The following CAMTA1 variants were observed in gnomAD, a reference collection of about 807,000 sequenced individuals.
CAMTA1 encodes calmodulin binding transcription activator 1, also known as calmodulin-binding transcription activator 1.
A neutral mutation model predicts 170.9 loss-of-function variants in CAMTA1; 27 were observed. The ratio of observed to expected loss-of-function variants is 0.16; its 90% CI spans 0.12 to 0.22. CAMTA1 has a LOEUF of 0.22. Among genes scored for constraint, CAMTA1 ranks in the 10% least tolerant of loss-of-function variants. CAMTA1 has a pLI of 1.00. For missense variants in CAMTA1, 1,619 were observed against 2,217.2 expected, an observed-to-expected ratio of 0.73 and a Z score of 5.42; for synonymous variants, 833 against 891.5, an observed-to-expected ratio of 0.93 and a Z score of 1.17.
chr1:6,803,782 G>A (rs1014213895), intron 1 of CAMTA1, among the ~76,000 whole-genome samples: 3 of 152,116 alleles, frequency 2.0e-5, no homozygotes, highest in African/African-American at 4.8e-5. Flanking sequence ...AGGTGTGATC[G>A]TAGCTCACTG....
intron 6 of CAMTA1, among the ~76,000 whole-genome samples, chr1:7,486,883 C>T (rs1222389043): frequency 1.3e-5 from 2 of 152,192 alleles, no homozygotes; most frequent in African/African-American, 4.8e-5. Flanking sequence ...GCGGCGGCTT[C>T]CCCAGTCTGC....
At chr1:7,379,665 C>T (rs1489966919) in intron 5 of CAMTA1, among the ~76,000 whole-genome samples, 1 of 152,206 alleles carries the variant, frequency 6.6e-6, no homozygotes, top group Admixed American at 6.5e-5. Context: ...GCTTCTTAAC[C>T]AGCAGAATTC....
intron 3 of CAMTA1, among the ~76,000 whole-genome samples, chr1:6,978,230 G>A (rs560001561): frequency 1.7e-4 from 26 of 152,266 alleles, no homozygotes; most frequent in African/African-American, 5.8e-4. Context: ...AGTATAATTC[G>A]ATTGTTTTAA....
chr1:7,386,023 C>T (rs1336457953), intron 5 of CAMTA1, among the ~76,000 whole-genome samples: 1 of 152,190 alleles, frequency 6.6e-6, no homozygotes, highest in African/African-American at 2.4e-5. Flanking sequence ...CCTGGCTCCT[C>T]CAGGCTCCTC....
chr1:7,550,134 G>A (rs942610741), intron 6 of CAMTA1, among the ~76,000 whole-genome samples: 46 of 152,042 alleles, frequency 3.0e-4, no homozygotes, highest in African/African-American at 1.1e-3. Flanking sequence ...TGAGGCTAAG[G>A]GTGCCCAGAG....
chr1:7,618,614 A>G (rs966273064), intron 6 of CAMTA1, among the ~76,000 whole-genome samples: 2 of 152,242 alleles, frequency 1.3e-5, no homozygotes, highest in Middle Eastern at 3.4e-3. Flanking sequence ...CTGTCTTTTT[A>G]TGACTATAGT....
chr1:7,561,053 G>A lies in CAMTA1; in HGVS notation c.511-79347G>A, dbSNP rs2094950222. On this transcript the variant is annotated intron_variant, in intron 6 of 22. Transcript: ENST00000303635. This position sits in a 1 kb window ranked among gnomAD's most constrained non-coding sequence, Gnocchi z 5.3. ...GGCCCTCTGCGCTCAGGCTCAGGGG[G>A]TGACGCTGGGCTGGGCGCTTCCCAT... is the stretch of plus-strand genomic sequence containing the variant. 6.6e-6 allele frequency among the ~76,000 whole-genome samples: 1 copy of A among 152,150 alleles called. No individual in the cohort carries two copies. Among genetic ancestry groups the A allele is most frequent in the South Asian group, 2.1e-4 (1 of 4,830 alleles).
At chr1:7,447,631 G>A (rs1322570231) in intron 5 of CAMTA1, among the ~76,000 whole-genome samples, 1 of 152,146 alleles carries the variant, frequency 6.6e-6, no homozygotes, top group Non-Finnish European at 1.5e-5. Context: ...AGGACTCAGT[G>A]GAACGGCAGG....
chr1:6,903,466 C>G (rs748747626), intron 3 of CAMTA1, among the ~76,000 whole-genome samples: 1 of 152,130 alleles, frequency 6.6e-6, no homozygotes, highest in Non-Finnish European at 1.5e-5. Flanking sequence ...TATTTAGAAC[C>G]ATTTATTCTG....
intron 6 of CAMTA1, among the ~76,000 whole-genome samples, chr1:7,512,015 T>G (rs776402134): frequency 6.6e-6 from 1 of 152,242 alleles, no homozygotes; most frequent in Non-Finnish European, 1.5e-5. Flanking sequence ...TGCCTGGCTC[T>G]GCGCTCAGCT....
At chr1:7,180,145 T>A (rs987480783) in intron 4 of CAMTA1, among the ~76,000 whole-genome samples, 1 of 152,068 alleles carries the variant, frequency 6.6e-6, no homozygotes, top group Non-Finnish European at 1.5e-5. Flanking sequence ...GGCGGGTGGA[T>A]CACCTGAGGT....
chr1:7,421,675 C>T (rs74053256), intron 5 of CAMTA1, among the ~76,000 whole-genome samples: 4,156 of 152,188 alleles, frequency 0.027, 198 homozygotes, highest in African/African-American at 0.094. Context: ...GCACCTGGCA[C>T]GCAGAGGGGC....
chr1:6,873,073 C>T (rs1302740930), intron 3 of CAMTA1, among the ~76,000 whole-genome samples: 2 of 152,172 alleles, frequency 1.3e-5, no homozygotes, highest in African/African-American at 2.4e-5. Flanking sequence ...GCCTAGTATA[C>T]TTGGATGCCT....
At position 7,547,886 on chromosome 1, in the gene CAMTA1, C is replaced by T. The variant is rs1229000921; in HGVS notation, c.510+79985C>T. ...GCAAGGGCACTCCACTGTGTGGACC[C>T]CCCACTCACCCGTCAATATGCCCTT... On this transcript the variant is annotated intron_variant, in intron 6 of 22. Transcript: ENST00000303635. The surrounding 1 kb of genome is among the most constrained non-coding windows in gnomAD (Gnocchi z 5.7). Among the ~76,000 whole-genome samples, 5 of 152,072 alleles carry T rather than the reference C, an allele frequency of 3.3e-5. No individual in the cohort carries two copies. Among genetic ancestry groups the T allele is most frequent in the East Asian group, 1.9e-4 (1 of 5,180 alleles).
chr1:7,601,452 C>G (rs1027458026), intron 6 of CAMTA1, among the ~76,000 whole-genome samples: 5 of 151,810 alleles, frequency 3.3e-5, no homozygotes, highest in African/African-American at 1.2e-4. Flanking sequence ...TCCTCACTTT[C>G]CAGACTGGGC....
chr1:7,199,217 C>G (rs937473201), intron 4 of CAMTA1, among the ~76,000 whole-genome samples: 5 of 152,228 alleles, frequency 3.3e-5, no homozygotes, highest in African/African-American at 1.2e-4. Flanking sequence ...GAGCCCGCCC[C>G]CACGCCTCCA....
intron 3 of CAMTA1, among the ~76,000 whole-genome samples, chr1:7,015,080 C>T (rs920644394): frequency 6.6e-6 from 1 of 152,132 alleles, no homozygotes; most frequent in Non-Finnish European, 1.5e-5. Flanking sequence ...TGTAAGTTTC[C>T]ATTCCCTGTG....
chr1:7,315,933 T>G (rs1677425130), intron 5 of CAMTA1, among the ~76,000 whole-genome samples: 1 of 152,216 alleles, frequency 6.6e-6, no homozygotes, highest in African/African-American at 2.4e-5. Context: ...AGGAAAGAGG[T>G]TTAATTGACT....
chr1:7,290,717 T>C (rs2149499088), intron 5 of CAMTA1, among the ~76,000 whole-genome samples: 1 of 152,276 alleles, frequency 6.6e-6, no homozygotes, highest in East Asian at 1.9e-4. Context: ...ATTACCATCA[T>C]CATTTTCATT....
Sources: allele counts gnomAD v4.1 joint callset (sites outside exome capture counted in the v4.1 genomes callset), GRCh38; gene constraint gnomAD v4.1.1; non-coding constraint Gnocchi (gnomAD v3.1); transcripts MANE v1.5; gene names NCBI Gene and HGNC (gene_info 2026-07-23, HGNC 2026-07-21).